PAM: variants seen among roughly 807,000 people sequenced by gnomAD.
PAM encodes the protein peptidyl-glycine alpha-amidating monooxygenase.
In PAM, 72 loss-of-function variants were observed where a neutral mutation model predicts 122.1. The observed-to-expected ratio is 0.59, with a 90% CI of 0.49 to 0.72. The LOEUF (loss-of-function observed/expected upper bound fraction) is 0.72, where lower values mean the gene tolerates loss of function less well. Ranked by LOEUF, PAM falls within the 30% of genes least tolerant of loss-of-function variation. PAM has a pLI of 0.00. For synonymous variants in PAM, 389 were observed against 404.4 expected (o/e 0.96, Z 0.46); for missense variants, 1,106 against 1,183.7 (o/e 0.93, Z 0.96).
At chr5:102,951,938 G>A (rs1279815615) in intron 12 of PAM, among the ~76,000 whole-genome samples, 2 of 151,942 alleles carry the variant, frequency 1.3e-5, no homozygotes, top group South Asian at 2.1e-4. Flanking sequence ...GACAAAGGAG[G>A]CATAACTAGA....
chr5:102,871,841 T>C (rs940772758), intron 3 of PAM, among the ~76,000 whole-genome samples: 1 of 151,206 alleles, frequency 6.6e-6, no homozygotes, highest in Non-Finnish European at 1.5e-5. Context: ...TTTTATCTAA[T>C]GTAAGTACTT....
At chr5:102,979,064 A>ACG (rs1554150770) in intron 15 of PAM, among the ~76,000 whole-genome samples, 5 of 151,336 alleles carry the variant, frequency 3.3e-5, no homozygotes, top group African/African-American at 1.2e-4. Context: ...ACACACACGC[A>ACG]CACACACATA....
At chr5:102,830,637 A>C (rs1231108511) in intron 1 of PAM, among the ~76,000 whole-genome samples, 1 of 152,186 alleles carries the variant, frequency 6.6e-6, no homozygotes, top group Non-Finnish European at 1.5e-5. Context: ...AATCAGATTC[A>C]CTTTCACAAG....
At chr5:103,021,695 T>C (rs1163105859) in intron 23 of PAM, among the ~76,000 whole-genome samples, 2 of 152,226 alleles carry the variant, frequency 1.3e-5, no homozygotes, top group African/African-American at 4.8e-5. Flanking sequence ...TGAACCCATA[T>C]GGCTCTCATT....
In PAM at chr5:102,857,598, C is replaced by T. The variant is rs561923644; in HGVS notation, c.-373-8225C>T. ...ATATGAATGGAAAAAAGACTAGGTGCGTAGTTAAGAGCTTCAACCATGGCG... is the reference window on the plus strand; with the variant it reads ...ATATGAATGGAAAAAAGACTAGGTGTGTAGTTAAGAGCTTCAACCATGGCG... On this transcript the variant is annotated intron_variant, in intron 1 of 25. Coordinates refer to ENST00000438793, the MANE Select transcript of PAM (RefSeq NM_001177306.2). Among the ~76,000 whole-genome samples the T allele has an allele frequency of 8.5e-5, 13 of 152,102 alleles. No individual in the cohort carries two copies. The South Asian group carries it at 1.9e-3, about 22-fold the overall frequency.
intron 23 of PAM, among the ~76,000 whole-genome samples, chr5:103,023,542 A>G (rs1784208815): frequency 6.6e-6 from 1 of 151,980 alleles, no homozygotes; most frequent in Non-Finnish European, 1.5e-5. Flanking sequence ...GTCAGAAAGA[A>G]TAGAAATCAC....
chr5:102,908,048 A>T (rs1210922675), intron 4 of PAM, among the ~76,000 whole-genome samples: 1 of 152,062 alleles, frequency 6.6e-6, no homozygotes, highest in East Asian at 1.9e-4. Context: ...GTCCTTGCCC[A>T]TGCCTATGTC....
chr5:102,771,035 C>T, intron 1 of PAM, among the ~76,000 whole-genome samples: 1 of 151,986 alleles, frequency 6.6e-6, no homozygotes, highest in East Asian at 1.9e-4. Flanking sequence ...CCTGCTGTTA[C>T]AGCATGTTAT....
chr5:102,768,041 G>C (rs1462291206), intron 1 of PAM, among the ~76,000 whole-genome samples: 2 of 152,106 alleles, frequency 1.3e-5, no homozygotes, highest in Non-Finnish European at 1.5e-5. Flanking sequence ...TTAGAGTGGA[G>C]ACCAGTGCAC....
chr5:102,840,435 G>A lies in PAM; in HGVS notation c.-373-25388G>A, dbSNP rs117917174. 1.6e-4 allele frequency among the ~76,000 whole-genome samples: 24 copies of A among 152,272 alleles called. No homozygotes were observed. In the East Asian group the frequency reaches 3.7e-3, roughly 23 times the overall value. ...ATTCTTACAGCAATGATAATTTGAAGAGGAATTTCCATACAAATGTGGTTA... is the reference window on the plus strand; with the variant it reads ...ATTCTTACAGCAATGATAATTTGAAAAGGAATTTCCATACAAATGTGGTTA... On this transcript the variant is annotated intron_variant, in intron 1 of 25. Coordinates refer to ENST00000438793, the MANE Select transcript of PAM (RefSeq NM_001177306.2).
intron 1 of PAM, among the ~76,000 whole-genome samples, chr5:102,792,271 T>C (rs1762235099): frequency 6.6e-6 from 1 of 152,188 alleles, no homozygotes; most frequent in South Asian, 2.1e-4. Context: ...TAATCTAAAA[T>C]CTTAATGTTG....
At chr5:102,872,830 T>G (rs527898852) in intron 3 of PAM, among the ~76,000 whole-genome samples, 19 of 152,350 alleles carry the variant, frequency 1.2e-4, no homozygotes, top group African/African-American at 4.6e-4. Flanking sequence ...TCTATATATT[T>G]TTTAATTCCA....
intron 1 of PAM, among the ~76,000 whole-genome samples, chr5:102,782,701 A>ATT (rs1403511438): frequency 8.1e-6 from 1 of 123,334 alleles, no homozygotes; most frequent in Non-Finnish European, 1.7e-5. Context: ...TCCTTTCTCC[A>ATT]TTTCTCTCTC....
chr5:102,815,610 T>C (rs1769519572), intron 1 of PAM, among the ~76,000 whole-genome samples: 1 of 152,082 alleles, frequency 6.6e-6, no homozygotes, highest in Non-Finnish European at 1.5e-5. Flanking sequence ...TAAAATGAAG[T>C]CCCTATTCAG....
chr5:102,865,359 G>A (rs1581102389), intron 1 of PAM: 2 of 152,182 alleles, frequency 1.3e-5, no homozygotes, highest in African/African-American at 4.8e-5. Flanking sequence ...TTTTCTATCT[G>A]ATTACTGTGG....
At chr5:102,865,781 T>C in intron 1 of PAM, 42 bp from the exon 2 acceptor site, 1 of 168,590 alleles carries the variant, frequency 5.9e-6, no homozygotes, top group Non-Finnish European at 1.3e-5. Flanking sequence ...GGACAAATGC[T>C]GTAACGTGTT....
At chr5:102,946,247 C>A (rs1382175313) in intron 7 of PAM, among the ~76,000 whole-genome samples, 1 of 152,056 alleles carries the variant, frequency 6.6e-6, no homozygotes, top group Non-Finnish European at 1.5e-5. Flanking sequence ...TCAAGTTGCT[C>A]CCACTGGGAC....
At chr5:102,974,659 T>C (rs1403165863) in intron 15 of PAM, 1 of 377,386 alleles carries the variant, frequency 2.6e-6, no homozygotes, top group Non-Finnish European at 4.7e-6. Context: ...TCTGTTCTAT[T>C]GGTGAGCCAG....
intron 1 of PAM, among the ~76,000 whole-genome samples, chr5:102,846,576 G>A (rs1780007771): frequency 6.6e-6 from 1 of 152,114 alleles, no homozygotes; most frequent in Non-Finnish European, 1.5e-5. Flanking sequence ...GTTTCAAGGA[G>A]TAGAAACCCA....
Sources: gnomAD v4.1 joint callset for allele counts (sites outside exome capture counted in the v4.1 genomes callset) on GRCh38, gnomAD v4.1.1 for gene constraint, MANE v1.5 for transcripts, NCBI Gene and HGNC (gene_info 2026-07-23, HGNC 2026-07-21) for gene names.